The following TRMT11 variants were observed in gnomAD, a reference collection of about 807,000 sequenced individuals.
TRMT11 encodes tRNA methyltransferase 11.
A neutral mutation model predicts 62.8 loss-of-function variants in TRMT11; 53 were observed. That is an observed-to-expected ratio of 0.84 (90% CI 0.68 to 1.06). TRMT11 has a LOEUF of 1.06. Ranked by LOEUF, TRMT11 falls within the 50% of genes least tolerant of loss-of-function variation. TRMT11 has a pLI of 0.00. For missense variants in TRMT11, 556 were observed against 553.4 expected, an observed-to-expected ratio of 1.00 and a Z score of -0.05; for synonymous variants, 188 against 190.3, an observed-to-expected ratio of 0.99 and a Z score of 0.10.
At chr6:126,232,016 G>C in the TRMT11 span, among the ~76,000 whole-genome samples, 3 of 152,090 alleles carry the variant, frequency 2.0e-5, no homozygotes, top group Non-Finnish European at 4.4e-5. Context: ...GATCAGCTTT[G>C]ATCTTAGTAG....
intron 17 of TRMT11, among the ~76,000 whole-genome samples, chr6:126,077,767 G>A (rs1444756346): frequency 6.6e-6 from 1 of 152,142 alleles, no homozygotes; most frequent in Non-Finnish European, 1.5e-5. Context: ...AACCTAGTTT[G>A]GTGAGATAAT....
At chr6:126,029,623 G>A (rs1773825653) in intron 12 of TRMT11, among the ~76,000 whole-genome samples, 1 of 152,116 alleles carries the variant, frequency 6.6e-6, no homozygotes, top group Non-Finnish European at 1.5e-5. Flanking sequence ...TAAAGTGAGA[G>A]CATATATATG....
At chr6:126,016,179 CT>C (rs1428297462) in intron 11 of TRMT11, among the ~76,000 whole-genome samples, 2 of 152,114 alleles carry the variant, frequency 1.3e-5, no homozygotes, top group African/African-American at 4.8e-5. Flanking sequence ...TCCATCATTT[CT>C]TTTGCATTTG....
At chr6:126,167,906 C>A (rs181940600) in intron 21 of TRMT11, among the ~76,000 whole-genome samples, 6 of 152,264 alleles carry the variant, frequency 3.9e-5, no homozygotes, top group Non-Finnish European at 7.4e-5. Context: ...TGGAAGAACT[C>A]CAGCCTGGGA....
At chr6:126,270,458 A>G in the TRMT11 span, among the ~76,000 whole-genome samples, 1 of 152,192 alleles carries the variant, frequency 6.6e-6, no homozygotes, top group Admixed American at 6.5e-5. Context: ...ACTGGACCCT[A>G]GAATGAAGAG....
chr6:126,139,809 C>A (rs925208575), intron 21 of TRMT11, among the ~76,000 whole-genome samples: 1 of 152,046 alleles, frequency 6.6e-6, no homozygotes, highest in African/African-American at 2.4e-5. Flanking sequence ...CTAATGTGAA[C>A]TCTAACAATT....
chr6:126,244,625 T>C, the TRMT11 span, among the ~76,000 whole-genome samples: 1 of 152,234 alleles, frequency 6.6e-6, no homozygotes, highest in African/African-American at 2.4e-5. Context: ...GGATGGATTC[T>C]AGACAGATAT....
At chr6:126,182,571 C>A (rs551200186) in intron 1 of TRMT11, among the ~76,000 whole-genome samples, 1 of 151,842 alleles carries the variant, frequency 6.6e-6, no homozygotes, top group East Asian at 1.9e-4. Flanking sequence ...GGTAGCCTGA[C>A]CCCTGACTCC....
chr6:125,990,109 G>A (rs940907538), intron 1 of TRMT11, among the ~76,000 whole-genome samples: 2 of 152,112 alleles, frequency 1.3e-5, no homozygotes, highest in African/African-American at 2.4e-5. Context: ...TGTAGAAAGC[G>A]TAGTTATGTT....
At chr6:126,083,848 C>T (rs1777186417) in intron 17 of TRMT11, among the ~76,000 whole-genome samples, 2 of 152,128 alleles carry the variant, frequency 1.3e-5, no homozygotes, top group South Asian at 2.1e-4. Flanking sequence ...AAATATTGCA[C>T]ATATAAGAGA....
intron 19 of TRMT11, among the ~76,000 whole-genome samples, chr6:126,115,043 T>C (rs1777571610): frequency 6.6e-6 from 1 of 152,092 alleles, no homozygotes; most frequent in Non-Finnish European, 1.5e-5. Flanking sequence ...CAATCATTTA[T>C]TGCTGCACGT....
chr6:126,067,257 C>T (rs919221746), intron 17 of TRMT11, among the ~76,000 whole-genome samples: 1 of 151,616 alleles, frequency 6.6e-6, no homozygotes, highest in Non-Finnish European at 1.5e-5. Flanking sequence ...GCCTATTGCT[C>T]AATAAATTGT....
upstream of TRMT11, among the ~76,000 whole-genome samples, chr6:126,175,569 C>A (rs113207276): frequency 8.7e-3 from 1,318 of 152,296 alleles, 21 homozygotes; most frequent in African/African-American, 0.03. Flanking sequence ...TATTCAAACA[C>A]TAAAGGCAAC....
At chr6:126,001,920 C>G (rs948160791) in intron 7 of TRMT11, among the ~76,000 whole-genome samples, 1 of 151,932 alleles carries the variant, frequency 6.6e-6, no homozygotes, top group Non-Finnish European at 1.5e-5. Context: ...TTTTTAACCC[C>G]GATGGTCTAT....
At chr6:126,159,290 G>T (rs190953561) in intron 21 of TRMT11, among the ~76,000 whole-genome samples, 4 of 152,154 alleles carry the variant, frequency 2.6e-5, no homozygotes, top group Admixed American at 2.0e-4. Context: ...CTGGGCGGAG[G>T]TCTGCAAATA....
chr6:126,092,626 C>T (rs77930893), intron 17 of TRMT11, among the ~76,000 whole-genome samples: 4,530 of 152,192 alleles, frequency 0.03, 80 homozygotes, highest in Middle Eastern at 0.085. Context: ...GATAGACGAA[C>T]TAGAGAACAC....
chr6:126,217,825 T>C, the TRMT11 span, among the ~76,000 whole-genome samples: 1 of 152,134 alleles, frequency 6.6e-6, no homozygotes, highest in Non-Finnish European at 1.5e-5. Flanking sequence ...TTTGTGTCCT[T>C]CCTTTCAGGG....
intron 17 of TRMT11, among the ~76,000 whole-genome samples, chr6:126,061,213 C>A (rs1270877965): frequency 6.6e-6 from 1 of 152,180 alleles, no homozygotes; most frequent in African/African-American, 2.4e-5. Flanking sequence ...CCACATCAGA[C>A]CTACCAAAGC....
intron 1 of TRMT11, among the ~76,000 whole-genome samples, chr6:126,194,474 C>A (rs370873847): frequency 6.6e-6 from 1 of 152,108 alleles, no homozygotes; most frequent in African/African-American, 2.4e-5. Context: ...TTATTAATTT[C>A]GCGCCCTAAT....
Sources: allele counts gnomAD v4.1 joint callset (sites outside exome capture counted in the v4.1 genomes callset), GRCh38; gene constraint gnomAD v4.1.1; transcripts MANE v1.5; gene names NCBI Gene and HGNC (gene_info 2026-07-23, HGNC 2026-07-21).